SUPT3H: variants seen among roughly 807,000 people sequenced by gnomAD.
The protein encoded by SUPT3H is SPT3 homolog, SAGA and STAGA complex component, also known as transcription initiation protein SPT3 homolog.
In SUPT3H, 44 loss-of-function variants were observed where a neutral mutation model predicts 44.3. The ratio of observed to expected loss-of-function variants is 0.99; its 90% CI spans 0.78 to 1.28. The LOEUF (loss-of-function observed/expected upper bound fraction) is 1.28, where lower values mean the gene tolerates loss of function less well. Among genes scored for constraint, SUPT3H ranks in the 50% most tolerant of loss-of-function variants. SUPT3H has a pLI of 0.00. For synonymous variants in SUPT3H, 124 were observed against 125.6 expected, an observed-to-expected ratio of 0.99 and a Z score of 0.09; for missense variants, 380 against 387.1, an observed-to-expected ratio of 0.98 and a Z score of 0.15.
At chr6:45,237,720 G>C (rs1769463117) in intron 2 of SUPT3H, among the ~76,000 whole-genome samples, 1 of 152,144 alleles carries the variant, frequency 6.6e-6, no homozygotes, top group Admixed American at 6.5e-5. Context: ...AGAGAAAATG[G>C]AGGCTTTAGA....
At chr6:45,283,998 A>G (rs1188670233) in intron 2 of SUPT3H, among the ~76,000 whole-genome samples, 1 of 152,148 alleles carries the variant, frequency 6.6e-6, no homozygotes, top group Non-Finnish European at 1.5e-5. Context: ...TGGGTACATA[A>G]TGAAATATGA....
chr6:45,306,590 A>C (rs1003508820), intron 2 of SUPT3H, among the ~76,000 whole-genome samples: 3 of 152,186 alleles, frequency 2.0e-5, no homozygotes, highest in Non-Finnish European at 4.4e-5. Context: ...TCAGACATCA[A>C]CATAATGCAA....
intron 4 of SUPT3H, among the ~76,000 whole-genome samples, chr6:45,017,470 T>C (rs1784469299): frequency 6.6e-6 from 1 of 151,930 alleles, no homozygotes; most frequent in African/African-American, 2.4e-5. Context: ...AGGGTTTTTA[T>C]GGTTTTAGGT....
chr6:45,007,542 T>C (rs1782883473), intron 5 of SUPT3H, among the ~76,000 whole-genome samples: 1 of 152,148 alleles, frequency 6.6e-6, no homozygotes, highest in Admixed American at 6.6e-5. Flanking sequence ...CAAAAAATCA[T>C]TTAGTTGTGA....
chr6:44,901,743 G>A (rs2153448504), intron 10 of SUPT3H, among the ~76,000 whole-genome samples: 1 of 151,694 alleles, frequency 6.6e-6, no homozygotes, highest in Admixed American at 6.6e-5. Flanking sequence ...AAGTTGAAAT[G>A]AAGGAAAAAA....
intron 3 of SUPT3H, among the ~76,000 whole-genome samples, chr6:45,065,304 C>G (rs1184962622): frequency 3.6e-5 from 5 of 139,272 alleles, no homozygotes; most frequent in South Asian, 5.4e-4. Context: ...GGGACGCATT[C>G]AAAGCAGTGT....
chr6:45,042,021 T>C (rs1195243023), intron 3 of SUPT3H, among the ~76,000 whole-genome samples: 1 of 152,168 alleles, frequency 6.6e-6, no homozygotes, highest in African/African-American at 2.4e-5. Flanking sequence ...GTAAATAAAG[T>C]ATCATTTTTA....
At chr6:44,949,041 C>A (rs896118839) in intron 9 of SUPT3H, among the ~76,000 whole-genome samples, 1 of 152,142 alleles carries the variant, frequency 6.6e-6, no homozygotes, top group Non-Finnish European at 1.5e-5. Flanking sequence ...CACATATACA[C>A]CATGGAATAC....
At chr6:45,251,656 T>C (rs896636205) in intron 2 of SUPT3H, among the ~76,000 whole-genome samples, 1 of 152,154 alleles carries the variant, frequency 6.6e-6, no homozygotes, top group Non-Finnish European at 1.5e-5. Context: ...GAAAAAGACA[T>C]GCTTAAATAA....
intron 1 of SUPT3H, among the ~76,000 whole-genome samples, chr6:45,366,022 T>C (rs576102154): frequency 1.3e-5 from 2 of 152,180 alleles, no homozygotes; most frequent in African/African-American, 2.4e-5. Flanking sequence ...ATTAAAAAAA[T>C]TGGCAAGATT....
rs199652341 is a variant in SUPT3H at position 45,332,975 on chromosome 6, A to AC, written c.101+32225dup. ...GATAGATAAAATTCTGCCTCTCCTC[A>AC]CCCCCCAAAAAATCATAAAACTCCC... On this transcript the variant is annotated intron_variant, in intron 2 of 10. Coordinates refer to ENST00000371459, the MANE Select transcript of SUPT3H (RefSeq NM_003599.4). Among the ~76,000 whole-genome samples the AC allele has an allele frequency of 2.2e-3, 334 of 151,392 alleles. 1 individual carries two copies. In the East Asian group the frequency reaches 0.028, roughly 13 times the overall value.
At chr6:45,033,688 T>C (rs898494339) in intron 3 of SUPT3H, among the ~76,000 whole-genome samples, 2 of 152,184 alleles carry the variant, frequency 1.3e-5, no homozygotes, top group Non-Finnish European at 2.9e-5. Flanking sequence ...AAAGTTAACA[T>C]CTTTCTAAAG....
At chr6:45,328,225 A>T (rs1786710000) in intron 2 of SUPT3H, 9 of 1,242,046 alleles carry the variant, frequency 7.2e-6, no homozygotes, top group Non-Finnish European at 9.5e-6. Flanking sequence ...TTTACTTAAG[A>T]GTACTGTGAG....
chr6:45,086,040 G>A (rs1003277799), intron 3 of SUPT3H, among the ~76,000 whole-genome samples: 34 of 151,948 alleles, frequency 2.2e-4, no homozygotes, highest in Non-Finnish European at 4.4e-4. Flanking sequence ...AACACTGAAG[G>A]TTGCAGGAGT....
intron 3 of SUPT3H, among the ~76,000 whole-genome samples, chr6:45,084,594 C>T (rs951394653): frequency 6.6e-6 from 1 of 152,116 alleles, no homozygotes; most frequent in East Asian, 1.9e-4. Context: ...TATCATCTGA[C>T]CCAGGATCCT....
intron 5 of SUPT3H, among the ~76,000 whole-genome samples, chr6:45,014,060 A>C (rs1390569851): frequency 1.3e-5 from 2 of 151,894 alleles, no homozygotes; most frequent in Non-Finnish European, 2.9e-5. Context: ...CTGGGGAGAG[A>C]CTCTGCCATC....
In SUPT3H at chr6:45,328,715, AAAG is replaced by A. The variant is rs139788537; in HGVS notation, c.101+36483_101+36485del. 4.2e-3 allele frequency: 6,691 copies of A among 1,612,112 alleles called. 36 individuals are homozygous for A. The highest frequency in any genetic ancestry group is 4.1e-3 in the Non-Finnish European group (4,854 of 1,178,650). ...AGGGTACAAGTTCTATCTGAAAAAA[AAAG>A]GAGGGACTATGGCATCAAACAGCCT... On this transcript the variant is annotated intron_variant, in intron 2 of 10. Transcript: ENST00000371459.
chr6:45,162,531 A>C, intron 2 of SUPT3H, among the ~76,000 whole-genome samples: 1 of 152,178 alleles, frequency 6.6e-6, no homozygotes. Context: ...CTCTAAAACA[A>C]AAACCAAAAC....
intron 2 of SUPT3H, among the ~76,000 whole-genome samples, chr6:45,232,201 T>C (rs1768183486): frequency 6.6e-6 from 1 of 152,182 alleles, no homozygotes; most frequent in East Asian, 1.9e-4. Flanking sequence ...GAATTTGCCT[T>C]CTTAGGGGAG....
Sources: gnomAD v4.1 joint callset for allele counts (sites outside exome capture counted in the v4.1 genomes callset) on GRCh38, gnomAD v4.1.1 for gene constraint, MANE v1.5 for transcripts, NCBI Gene and HGNC (gene_info 2026-07-23, HGNC 2026-07-21) for gene names.